Variants in TMEM132D observed in about 807,000 individuals in gnomAD.
TMEM132D encodes mature OL transmembrane protein.
In TMEM132D, 21 loss-of-function variants were observed where a neutral mutation model predicts 62.3. The ratio of observed to expected loss-of-function variants is 0.34; its 90% CI spans 0.24 to 0.49. The LOEUF (loss-of-function observed/expected upper bound fraction) is 0.49. Among genes scored for constraint, TMEM132D ranks in the 20% least tolerant of loss-of-function variants. The probability of loss-of-function intolerance (pLI) is 0.99; values close to 1 mark genes in which losing one functional copy is unlikely to be tolerated. For missense variants in TMEM132D, 1,346 were observed against 1,402.8 expected, an observed-to-expected ratio of 0.96 and a Z score of 0.65; for synonymous variants, 621 against 575.6, an observed-to-expected ratio of 1.08 and a Z score of -1.13.
intron 5 of TMEM132D, among the ~76,000 whole-genome samples, chr12:129,090,287 A>G (rs1874865031): frequency 6.6e-6 from 1 of 152,190 alleles, no homozygotes; most frequent in African/African-American, 2.4e-5. Context: ...TTCAGGGGCC[A>G]GGGTGTCTTT....
intron 1 of TMEM132D, among the ~76,000 whole-genome samples, chr12:129,763,432 C>CTTTTTTT (rs3046897): frequency 7.0e-6 from 1 of 142,554 alleles, no homozygotes; most frequent in Non-Finnish European, 1.5e-5. Context: ...AGATTTCTGG[C>CTTTTTTT]TTTTTTTTTT....
intron 3 of TMEM132D, among the ~76,000 whole-genome samples, chr12:129,376,341 T>A (rs779673069): frequency 2.6e-4 from 40 of 152,174 alleles, no homozygotes; most frequent in Non-Finnish European, 4.4e-4. Context: ...AGCAAACACA[T>A]CCTTTCTTCT....
chr12:129,695,748 G>T (rs73434105), intron 2 of TMEM132D, among the ~76,000 whole-genome samples: 2,017 of 152,290 alleles, frequency 0.013, 48 homozygotes, highest in African/African-American at 0.046. Flanking sequence ...GCTGCATGGA[G>T]GTCTCTGCAG....
intron 3 of TMEM132D, among the ~76,000 whole-genome samples, chr12:129,488,051 T>G (rs942783414): frequency 1.3e-5 from 2 of 151,774 alleles, no homozygotes; most frequent in African/African-American, 4.8e-5. Flanking sequence ...GTATGCCTTG[T>G]GAGGACATGG....
intron 3 of TMEM132D, among the ~76,000 whole-genome samples, chr12:129,487,361 C>A (rs1874614384): frequency 6.6e-6 from 1 of 152,146 alleles, no homozygotes; most frequent in Non-Finnish European, 1.5e-5. Flanking sequence ...GCAGGAGGAA[C>A]TGAAGGGACA....
chr12:129,413,251 C>T (rs1187635307), intron 3 of TMEM132D, among the ~76,000 whole-genome samples: 1 of 152,116 alleles, frequency 6.6e-6, no homozygotes, highest in Non-Finnish European at 1.5e-5. Context: ...TTCCCCCATA[C>T]TATTCTTGTG....
chr12:129,902,160 C>T (rs1875379801), intron 1 of TMEM132D, among the ~76,000 whole-genome samples: 1 of 152,150 alleles, frequency 6.6e-6, no homozygotes, highest in African/African-American at 2.4e-5. Flanking sequence ...ATTATCAGAT[C>T]CAAAGCAACA....
At chr12:129,674,665 AAGT>A (rs1216428367) in intron 2 of TMEM132D, among the ~76,000 whole-genome samples, 1 of 151,950 alleles carries the variant, frequency 6.6e-6, no homozygotes, top group Non-Finnish European at 1.5e-5. Flanking sequence ...TCAGCCTCCC[AAGT>A]AGCTGGGATT....
At chr12:129,552,564 ATCAT>A (rs1464666984) in intron 2 of TMEM132D, among the ~76,000 whole-genome samples, 5 of 131,368 alleles carry the variant, frequency 3.8e-5, no homozygotes, top group African/African-American at 1.4e-4. Context: ...CGATCGATCT[ATCAT>A]CTATCTGTTC....
intron 4 of TMEM132D, among the ~76,000 whole-genome samples, chr12:129,319,694 A>T (rs1376764185): frequency 6.6e-6 from 1 of 152,200 alleles, no homozygotes; most frequent in African/African-American, 2.4e-5. Context: ...AAGGAGATTT[A>T]AAAAAGAGAA....
intron 2 of TMEM132D, among the ~76,000 whole-genome samples, chr12:129,603,382 G>A (rs549673504): frequency 3.9e-5 from 6 of 152,308 alleles, no homozygotes; most frequent in African/African-American, 1.4e-4. Flanking sequence ...ATGTTCTACA[G>A]TTGAAATCTT....
intron 8 of TMEM132D, among the ~76,000 whole-genome samples, 196 bp from the exon 9 acceptor site, chr12:129,075,255 A>AAAAT (rs1565954995): frequency 6.6e-6 from 1 of 152,186 alleles, no homozygotes; most frequent in Admixed American, 6.5e-5. Flanking sequence ...GCAAAAAAGC[A>AAAAT]AAATAAAACA....
intron 4 of TMEM132D, among the ~76,000 whole-genome samples, chr12:129,267,993 G>A (rs1245654551): frequency 2.6e-5 from 4 of 152,168 alleles, no homozygotes; most frequent in Non-Finnish European, 4.4e-5. Context: ...GTAGAAAGCT[G>A]AAACTGGATC....
chr12:129,669,576 G>A (rs969859524), intron 2 of TMEM132D, among the ~76,000 whole-genome samples: 19 of 152,156 alleles, frequency 1.2e-4, no homozygotes, highest in South Asian at 4.2e-4. Flanking sequence ...ATGGTGGCTC[G>A]TGCCTGTAGT....
chr12:129,377,896 G>A (rs1198958769), intron 3 of TMEM132D, among the ~76,000 whole-genome samples: 1 of 152,072 alleles, frequency 6.6e-6, no homozygotes, highest in African/African-American at 2.4e-5. Context: ...GTTAAATATG[G>A]TAACCTAGTC....
chr12:129,293,176 T>C (rs146996236), intron 4 of TMEM132D, among the ~76,000 whole-genome samples: 13 of 152,250 alleles, frequency 8.5e-5, no homozygotes, highest in African/African-American at 2.9e-4. Context: ...AGCATCCTCA[T>C]GTGCCCAGGA....
chr12:129,402,001 C>A (rs1176367271), intron 3 of TMEM132D, among the ~76,000 whole-genome samples: 1 of 152,196 alleles, frequency 6.6e-6, no homozygotes, highest in Non-Finnish European at 1.5e-5. Flanking sequence ...GGGAGGGTGG[C>A]ACGTTCTCAG....
chr12:129,583,461 A>C (rs151308075), intron 2 of TMEM132D, among the ~76,000 whole-genome samples: 1 of 152,332 alleles, frequency 6.6e-6, no homozygotes, highest in Non-Finnish European at 1.5e-5. Context: ...ACAGAACTAT[A>C]CACCACAATG....
intron 4 of TMEM132D, among the ~76,000 whole-genome samples, chr12:129,244,495 T>C (rs1462660282): frequency 1.3e-5 from 2 of 152,030 alleles, no homozygotes; most frequent in Non-Finnish European, 2.9e-5. Flanking sequence ...GCTTACGCTA[T>C]GGCTAGAAAG....
Sources: allele counts gnomAD v4.1 joint callset (sites outside exome capture counted in the v4.1 genomes callset), GRCh38; gene constraint gnomAD v4.1.1; transcripts MANE v1.5; gene names NCBI Gene and HGNC (gene_info 2026-07-23, HGNC 2026-07-21).